ULK4: variants seen among roughly 807,000 people sequenced by gnomAD.
ULK4 encodes unc-51 like kinase 4.
Under a neutral mutation model 160.6 loss-of-function variants are expected in ULK4, and 133 were observed. The observed-to-expected ratio is 0.83, with a 90% CI of 0.72 to 0.96. ULK4 has a LOEUF of 0.96. Among genes scored for constraint, ULK4 ranks in the 40% least tolerant of loss-of-function variants. The probability of loss-of-function intolerance (pLI) is 0.00; values close to 1 mark genes in which losing one functional copy is unlikely to be tolerated. For synonymous variants in ULK4, 534 were observed against 539.8 expected (o/e 0.99, Z 0.15); for missense variants, 1,580 against 1,499.5 (o/e 1.05, Z -0.89).
intron 2 of ULK4, among the ~76,000 whole-genome samples, chr3:41,941,300 A>G (rs1239910966): frequency 7.1e-6 from 1 of 140,262 alleles, no homozygotes; most frequent in Non-Finnish European, 1.5e-5. Flanking sequence ...AGCCTCCCAA[A>G]GTGCTGGGAT....
chr3:41,643,021 C>T (rs2034299058), intron 30 of ULK4, among the ~76,000 whole-genome samples: 1 of 152,068 alleles, frequency 6.6e-6, no homozygotes, highest in African/African-American at 2.4e-5. Context: ...ATCCTTCGCC[C>T]AGTTTTTGAT....
intron 22 of ULK4, among the ~76,000 whole-genome samples, chr3:41,732,224 C>G (rs2125866467): frequency 6.6e-6 from 1 of 152,128 alleles, no homozygotes; most frequent in East Asian, 1.9e-4. Context: ...ATCCATGCAT[C>G]TGACAAGAGG....
At chr3:41,251,011 A>C (rs2078733364) in intron 35 of ULK4, 1 of 152,216 alleles carries the variant, frequency 6.6e-6, no homozygotes, top group Non-Finnish European at 1.5e-5. Context: ...AGCTGACTAC[A>C]TCCAGGCTCA....
intron 35 of ULK4, among the ~76,000 whole-genome samples, chr3:41,265,099 C>A (rs1476112230): frequency 6.6e-6 from 1 of 152,212 alleles, no homozygotes; most frequent in Non-Finnish European, 1.5e-5. Flanking sequence ...GGTGGCCAGG[C>A]CTGGAGAGTG....
intron 34 of ULK4, 123 bp downstream of exon 34, chr3:41,455,374 A>G: frequency 3.5e-6 from 3 of 846,970 alleles, no homozygotes; most frequent in Non-Finnish European, 5.3e-6. Flanking sequence ...ATCTTCTGAA[A>G]GTTCTTTTGG....
At chr3:41,690,758 T>C (rs973121513) in intron 27 of ULK4, among the ~76,000 whole-genome samples, 6 of 151,946 alleles carry the variant, frequency 3.9e-5, no homozygotes, top group African/African-American at 1.4e-4. Flanking sequence ...CTCATAGTTA[T>C]AGAAAGGCCA....
At chr3:41,247,023 A>C in intron 36 of ULK4, 31 bp from the exon 37 acceptor site, 1 of 1,607,604 alleles carries the variant, frequency 6.2e-7, no homozygotes, top group South Asian at 1.1e-5. Flanking sequence ...GGTACACTTA[A>C]TAGGCATCTC....
At chr3:41,615,740 A>G in intron 30 of ULK4, 23 bp from the exon 31 acceptor site, 1 of 1,606,960 alleles carries the variant, frequency 6.2e-7, no homozygotes, top group Non-Finnish European at 8.5e-7. Context: ...AGAAAAAAAG[A>G]TAAGTGCACA....
chr3:41,907,372 C>A (rs566309839), intron 12 of ULK4, among the ~76,000 whole-genome samples: 42 of 152,114 alleles, frequency 2.8e-4, no homozygotes, highest in African/African-American at 1.0e-3. Context: ...TCATTGCTCA[C>A]TGCAGCCTCA....
intron 31 of ULK4, among the ~76,000 whole-genome samples, chr3:41,586,476 T>G (rs2125637638): frequency 1.3e-5 from 2 of 152,288 alleles, no homozygotes; most frequent in East Asian, 3.9e-4. Context: ...GACAGGTGAC[T>G]GCAAAGAGAT....
chr3:41,828,146 T>C (rs1349406560), intron 18 of ULK4, among the ~76,000 whole-genome samples: 1 of 146,452 alleles, frequency 6.8e-6, no homozygotes, highest in Admixed American at 6.8e-5. Flanking sequence ...ATGAGACCTA[T>C]CTCAAAATAA....
intron 2 of ULK4, 148 bp downstream of exon 2, chr3:41,954,474 G>A (rs1406192758): frequency 1.3e-6 from 1 of 758,406 alleles, no homozygotes; most frequent in Non-Finnish European, 2.1e-6. Context: ...TTCAGGACTG[G>A]TGGCACTGAA....
intron 19 of ULK4, among the ~76,000 whole-genome samples, chr3:41,806,963 C>T (rs1019745292): frequency 4.0e-5 from 6 of 151,854 alleles, no homozygotes; most frequent in African/African-American, 1.2e-4. Context: ...GCCTGGGATA[C>T]GTGGCAAAAC....
intron 34 of ULK4, among the ~76,000 whole-genome samples, chr3:41,441,661 T>C (rs559230739): frequency 6.6e-6 from 1 of 152,260 alleles, no homozygotes; most frequent in South Asian, 2.1e-4. Context: ...TCCAATAATG[T>C]ATTTCCTTCT....
chr3:41,617,945 G>A (rs2033057409), intron 30 of ULK4, among the ~76,000 whole-genome samples: 1 of 152,110 alleles, frequency 6.6e-6, no homozygotes, highest in Non-Finnish European at 1.5e-5. Context: ...TGATGGAGCT[G>A]AAAAACATAG....
chr3:41,646,809 C>A (rs138575721), intron 30 of ULK4, among the ~76,000 whole-genome samples: 138 of 152,340 alleles, frequency 9.1e-4, no homozygotes, highest in Non-Finnish European at 1.4e-3. Context: ...GTTCCGTTCT[C>A]CCCGTCACTT....
At chr3:41,903,339 C>G (rs568801529) in intron 12 of ULK4, among the ~76,000 whole-genome samples, 2 of 152,272 alleles carry the variant, frequency 1.3e-5, no homozygotes, top group Non-Finnish European at 1.5e-5. Context: ...AATCCCAGCA[C>G]TTTGGGAGGT....
chr3:41,400,267 T>G (rs2125816920), intron 34 of ULK4, among the ~76,000 whole-genome samples: 1 of 152,264 alleles, frequency 6.6e-6, no homozygotes, highest in East Asian at 1.9e-4. Flanking sequence ...CTGTGTAACT[T>G]AATCACATGT....
chr3:41,718,750 T>C (rs1283432447), intron 22 of ULK4, among the ~76,000 whole-genome samples: 2 of 152,322 alleles, frequency 1.3e-5, no homozygotes, highest in South Asian at 2.1e-4. Flanking sequence ...CCAATTTCCA[T>C]TGTAAATTGG....
Sources: allele counts gnomAD v4.1 joint callset (sites outside exome capture counted in the v4.1 genomes callset), GRCh38; gene constraint gnomAD v4.1.1; transcripts MANE v1.5; gene names NCBI Gene and HGNC (gene_info 2026-07-23, HGNC 2026-07-21).